Variants in PCDHA3 observed in about 807,000 individuals in gnomAD.
PCDHA3 encodes the protein protocadherin alpha-3.
Under a neutral mutation model 62.2 loss-of-function variants are expected in PCDHA3, and 41 were observed. That is an observed-to-expected ratio of 0.66 (90% CI 0.51 to 0.86). PCDHA3 has a LOEUF of 0.86. Among genes scored for constraint, PCDHA3 ranks in the 40% least tolerant of loss-of-function variants. The pLI, the probability that PCDHA3 is intolerant of heterozygous loss-of-function variation, is 0.00. For missense variants in PCDHA3, 1,304 were observed against 1,241.2 expected, an observed-to-expected ratio of 1.05 and a Z score of -0.76; for synonymous variants, 640 against 555.4, an observed-to-expected ratio of 1.15 and a Z score of -2.14.
intron 3 of PCDHA3, among the ~76,000 whole-genome samples, chr5:140,984,467 T>G (rs1358469857): frequency 4.6e-5 from 7 of 152,220 alleles, no homozygotes; most frequent in African/African-American, 1.7e-4. Context: ...CCAGCCCCTC[T>G]TGTATAACCC....
At chr5:140,828,426 G>A (rs2150155253) in intron 1 of PCDHA3, 5 of 1,614,288 alleles carry the variant, frequency 3.1e-6, no homozygotes, top group Non-Finnish European at 4.2e-6. Flanking sequence ...ATCGTGGACA[G>A]GCCGCTGCAG....
At chr5:141,005,796 AAC>A (rs2098240426) in intron 3 of PCDHA3, among the ~76,000 whole-genome samples, 1 of 151,400 alleles carries the variant, frequency 6.6e-6, no homozygotes, top group Admixed American at 6.6e-5. Flanking sequence ...AGGCAAAAAC[AAC>A]TCCAAGGAGC....
chr5:140,875,586 G>T, intron 1 of PCDHA3: 1 of 1,614,024 alleles, frequency 6.2e-7, no homozygotes, highest in South Asian at 1.1e-5. Flanking sequence ...TCTACGAGGA[G>T]GCCAAACACG....
chr5:140,847,669 G>A (rs2150402722), intron 1 of PCDHA3: 11 of 149,670 alleles, frequency 7.3e-5, no homozygotes, highest in African/African-American at 2.7e-4. Flanking sequence ...TATAAAGCTT[G>A]GAAAGAATCA....
At chr5:140,997,910 A>T (rs2097790102) in intron 3 of PCDHA3, among the ~76,000 whole-genome samples, 2 of 152,234 alleles carry the variant, frequency 1.3e-5, no homozygotes. Flanking sequence ...AAGTAGAATT[A>T]CAGAATCATA....
intron 1 of PCDHA3, chr5:140,843,377 G>C (rs375387773): frequency 1.3e-6 from 2 of 1,596,146 alleles, no homozygotes; most frequent in Non-Finnish European, 1.7e-6. Flanking sequence ...GTCGGCTGGC[G>C]TTTTGGGTCC....
In PCDHA3 at chr5:140,919,389, T is replaced by C. The variant is rs1042186256; in HGVS notation, c.2395-59560T>C. 3.9e-5 allele frequency among the ~76,000 whole-genome samples: 6 copies of C among 152,360 alleles called. No homozygotes were observed. The East Asian group carries it at 1.2e-3, about 29-fold the overall frequency. ...CTGCAGACAACACATAGTTGGATGTTGTTTTCCTAAAAACTCTAGACTGAC... is the reference window on the plus strand; with the variant it reads ...CTGCAGACAACACATAGTTGGATGTCGTTTTCCTAAAAACTCTAGACTGAC... On this transcript the variant is annotated intron_variant, in intron 1 of 3. Coordinates refer to ENST00000522353, the MANE Select transcript of PCDHA3 (RefSeq NM_018906.3).
intron 1 of PCDHA3, chr5:140,875,904 A>G: frequency 1.9e-6 from 3 of 1,614,194 alleles, no homozygotes; most frequent in Non-Finnish European, 2.5e-6. Context: ...CTGTTTCTGA[A>G]TCTGCGCCTC....
intron 1 of PCDHA3, chr5:140,863,201 C>A: frequency 1.1e-6 from 1 of 925,678 alleles, no homozygotes; most frequent in Admixed American, 1.8e-5. Context: ...GCGTCGCTGG[C>A]GGAGAGCAGC....
chr5:140,845,731 C>A (rs1420659203), intron 1 of PCDHA3, among the ~76,000 whole-genome samples: 1 of 149,400 alleles, frequency 6.7e-6, no homozygotes, highest in Non-Finnish European at 1.5e-5. Context: ...AATGTGAATT[C>A]TACTTTATAG....
At chr5:140,829,918 T>C (rs1770676846) in intron 1 of PCDHA3, 2 of 1,613,992 alleles carry the variant, frequency 1.2e-6, no homozygotes, top group East Asian at 4.5e-5. Context: ...GGCTTTCGTA[T>C]GAGCTGCAGC....
intron 1 of PCDHA3, chr5:140,850,217 C>T (rs2150473800): frequency 1.1e-5 from 17 of 1,593,592 alleles, no homozygotes; most frequent in Non-Finnish European, 1.5e-5. Flanking sequence ...GGGGCACTGA[C>T]GGCGCAGTGA....
At chr5:140,993,460 TCTCACACACACACA>T (rs1441171729) in intron 3 of PCDHA3, among the ~76,000 whole-genome samples, 1 of 104,506 alleles carries the variant, frequency 9.6e-6, no homozygotes, top group Non-Finnish European at 1.9e-5. Flanking sequence ...CTTCTTTCTT[TCTCACACACACACA>T]CACACACACA....
At chr5:140,969,064 C>T (rs2096292525) in intron 1 of PCDHA3, 1 of 1,614,136 alleles carries the variant, frequency 6.2e-7, no homozygotes, top group Non-Finnish European at 8.5e-7. Context: ...ATATTGATGC[C>T]AGGATACCGC....
intron 1 of PCDHA3, chr5:140,877,539 C>G (rs1562735979): frequency 2.5e-6 from 4 of 1,613,788 alleles, no homozygotes; most frequent in South Asian, 1.1e-5. Flanking sequence ...CTGTGGATCC[C>G]GAAGCGGCTC....
At chr5:140,848,964 G>C in intron 1 of PCDHA3, 1 of 1,606,312 alleles carries the variant, frequency 6.2e-7, no homozygotes, top group Non-Finnish European at 8.5e-7. Flanking sequence ...ACTAGAGGGC[G>C]CGTCCGATGC....
At chr5:140,872,512 A>T (rs2053716713) in intron 1 of PCDHA3, among the ~76,000 whole-genome samples, 1 of 152,126 alleles carries the variant, frequency 6.6e-6, no homozygotes, top group Admixed American at 6.5e-5. Context: ...CTGTAGTCCC[A>T]GTTTCTTGGG....
At chr5:140,941,202 C>CCTTTCTTCCTTCCTTTCTTTCTTT (rs1394736170) in intron 1 of PCDHA3, among the ~76,000 whole-genome samples, 4 of 122,742 alleles carry the variant, frequency 3.3e-5, no homozygotes, top group African/African-American at 5.9e-5. Context: ...TTTCTTTCTT[C>CCTTTCTTCCTTCCTTTCTTTCTTT]CTTTCTTTCT....
At chr5:140,954,834 G>A (rs879960376) in intron 1 of PCDHA3, among the ~76,000 whole-genome samples, 1 of 152,154 alleles carries the variant, frequency 6.6e-6, no homozygotes, top group African/African-American at 2.4e-5. Context: ...CTTTTGTCAT[G>A]AAATCTTTGC....
Sources: allele counts gnomAD v4.1 joint callset (sites outside exome capture counted in the v4.1 genomes callset), GRCh38; gene constraint gnomAD v4.1.1; transcripts MANE v1.5; gene names NCBI Gene and HGNC (gene_info 2026-07-23, HGNC 2026-07-21).